Variants in TATDN1 observed in about 807,000 individuals in gnomAD.
TATDN1 encodes deoxyribonuclease TATDN1.
A neutral mutation model predicts 46.4 loss-of-function variants in TATDN1; 40 were observed. The ratio of observed to expected loss-of-function variants is 0.86; its 90% CI spans 0.67 to 1.12. TATDN1 has a LOEUF of 1.12. Ranked by LOEUF, TATDN1 falls within the 50% of genes most tolerant of loss-of-function variation. The pLI is 0.00. For missense variants in TATDN1, 326 were observed against 348.4 expected, an observed-to-expected ratio of 0.94 and a Z score of 0.51; for synonymous variants, 95 against 105.6, an observed-to-expected ratio of 0.90 and a Z score of 0.62.
At chr8:124,508,570 T>C (rs1389468414) in intron 7 of TATDN1, 33 bp downstream of exon 7, 1 of 1,607,748 alleles carries the variant, frequency 6.2e-7, no homozygotes, top group South Asian at 1.1e-5. Flanking sequence ...ACAAAATTCT[T>C]AAGTTCTGAA....
At chr8:124,500,827 T>C (rs1817902677) in intron 9 of TATDN1, among the ~76,000 whole-genome samples, 1 of 151,800 alleles carries the variant, frequency 6.6e-6, no homozygotes, top group South Asian at 2.1e-4. Flanking sequence ...GAGACATATG[T>C]TACCCCAAAT....
At chr8:124,511,708 A>G (rs531387875) in intron 6 of TATDN1, among the ~76,000 whole-genome samples, 5 of 152,290 alleles carry the variant, frequency 3.3e-5, no homozygotes, top group Admixed American at 1.3e-4. Flanking sequence ...AAACAAGAAA[A>G]AAGTATTAAA....
At chr8:124,512,059 T>A (rs1330370372) in intron 6 of TATDN1, among the ~76,000 whole-genome samples, 1 of 152,246 alleles carries the variant, frequency 6.6e-6, no homozygotes, top group Admixed American at 6.5e-5. Context: ...TTAATTTTTC[T>A]GTCTTGCCCC....
intron 6 of TATDN1, among the ~76,000 whole-genome samples, chr8:124,514,003 C>T (rs1819246786): frequency 6.6e-6 from 1 of 152,192 alleles, no homozygotes; most frequent in Admixed American, 6.5e-5. Context: ...ATGAATGTCC[C>T]TGAAAGGCAC....
intron 1 of TATDN1, among the ~76,000 whole-genome samples, chr8:124,535,091 G>C (rs1174376600): frequency 1.3e-5 from 2 of 152,170 alleles, no homozygotes; most frequent in African/African-American, 4.8e-5. Flanking sequence ...GAGTGGGTGG[G>C]AGGGACTGAA....
At chr8:124,511,053 G>A (rs1240627810) in intron 6 of TATDN1, among the ~76,000 whole-genome samples, 1 of 152,108 alleles carries the variant, frequency 6.6e-6, no homozygotes, top group Non-Finnish European at 1.5e-5. Flanking sequence ...AGAAATAACT[G>A]TATAAGTTAC....
chr8:124,521,962 G>A (rs1820083408), intron 3 of TATDN1, 189 bp downstream of exon 3: 1 of 449,124 alleles, frequency 2.2e-6, no homozygotes, highest in Non-Finnish European at 3.9e-6. Flanking sequence ...CATGAGATTT[G>A]TGTAACTTAA....
intron 1 of TATDN1, among the ~76,000 whole-genome samples, chr8:124,536,270 C>G (rs187859009): frequency 1.3e-5 from 2 of 152,276 alleles, no homozygotes; most frequent in Non-Finnish European, 2.9e-5. Flanking sequence ...AAGAAATTCT[C>G]ATGCTGGCCA....
chr8:124,514,035 C>G (rs1432632530), intron 6 of TATDN1, among the ~76,000 whole-genome samples: 1 of 152,144 alleles, frequency 6.6e-6, no homozygotes, highest in Admixed American at 6.6e-5. Flanking sequence ...AAATAATATA[C>G]CACAAACTAA....
intron 6 of TATDN1, among the ~76,000 whole-genome samples, chr8:124,515,071 C>A (rs1463843148): frequency 6.6e-6 from 1 of 152,156 alleles, no homozygotes; most frequent in Non-Finnish European, 1.5e-5. Context: ...ACTACAGACG[C>A]AGGCTGCTGT....
intron 1 of TATDN1, 154 bp downstream of exon 1, chr8:124,538,871 C>G (rs1268923080): frequency 2.6e-6 from 2 of 772,822 alleles, no homozygotes; most frequent in Non-Finnish European, 4.5e-6. Flanking sequence ...AGAGCATTAC[C>G]AGCACCCAGA....
intron 1 of TATDN1, among the ~76,000 whole-genome samples, chr8:124,536,146 T>C (rs1821409896): frequency 6.6e-6 from 1 of 152,254 alleles, no homozygotes; most frequent in Non-Finnish European, 1.5e-5. Flanking sequence ...GTAGAGATTC[T>C]GGCATATAAT....
intron 4 of TATDN1, 139 bp from the exon 5 acceptor site, chr8:124,516,169 T>C: frequency 1.5e-6 from 1 of 675,622 alleles, no homozygotes; most frequent in East Asian, 3.0e-5. Flanking sequence ...AAGAACTGCA[T>C]TATGTTAATC....
At chr8:124,509,632 C>T (rs1419283474) in intron 6 of TATDN1, among the ~76,000 whole-genome samples, 1 of 152,194 alleles carries the variant, frequency 6.6e-6, no homozygotes, top group Non-Finnish European at 1.5e-5. Flanking sequence ...ACTTAAGCCT[C>T]TCTTGCTATA....
intron 1 of TATDN1, among the ~76,000 whole-genome samples, chr8:124,537,429 G>T (rs905945156): frequency 6.6e-6 from 1 of 152,322 alleles, no homozygotes. Flanking sequence ...GAGCAGCCCA[G>T]GGATGGGCTA....
In TATDN1 at chr8:124,497,778, A is replaced by C. The variant is rs1461127410; in HGVS notation, c.594-2236T>G. Among the ~76,000 whole-genome samples, 3 of 152,242 alleles carry C rather than the reference A, an allele frequency of 2.0e-5. 1 individual carries two copies. The highest frequency in any genetic ancestry group is 2.0e-4 in the Admixed American group (3 of 15,282). On this transcript the variant is annotated intron_variant, in intron 9 of 11. Transcript: ENST00000276692. Reference sequence around the variant, plus strand: ...CAATGCATAATTCACCAGGAGCTAGAAAATGCTGATATAATTCTATCAGCC... The same window carrying C: ...CAATGCATAATTCACCAGGAGCTAGCAAATGCTGATATAATTCTATCAGCC...
rs34661601 is a variant in TATDN1, at chr8:124,500,753, TA to T, written c.593+3517del. On this transcript the variant is annotated intron_variant, in intron 9 of 11. Coordinates refer to ENST00000276692, the MANE Select transcript of TATDN1 (RefSeq NM_032026.4). The stretch of plus-strand genomic sequence containing the variant: ...ATAAAGATCTTCTACCCCCTTCTCT[TA>T]AAAAAAAAAAAACAAAACCAAACTT... Among the ~76,000 whole-genome samples, 458 of 140,224 alleles carry T rather than the reference TA, an allele frequency of 3.3e-3. 2 individuals are homozygous for T. Among genetic ancestry groups the T allele is most frequent in the African/African-American group, 7.9e-3 (304 of 38,272 alleles). The allele number at this position is 140,224 out of a possible 152,430, so 92.0% of individuals were successfully genotyped here.
At chr8:124,516,538 G>C (rs996574793) in intron 4 of TATDN1, among the ~76,000 whole-genome samples, 1 of 151,508 alleles carries the variant, frequency 6.6e-6, no homozygotes, top group African/African-American at 2.4e-5. Context: ...TCGAACTCCT[G>C]AGCTCAAGCG....
intron 1 of TATDN1, among the ~76,000 whole-genome samples, chr8:124,531,866 T>C (rs10106292): frequency 0.52 from 78,262 of 151,726 alleles, 20,708 homozygotes; most frequent in African/African-American, 0.63. Flanking sequence ...GTCTGGATTC[T>C]AATGGGTTAG....
Sources: gnomAD v4.1 joint callset for allele counts (sites outside exome capture counted in the v4.1 genomes callset) on GRCh38, gnomAD v4.1.1 for gene constraint, MANE v1.5 for transcripts, NCBI Gene and HGNC (gene_info 2026-07-23, HGNC 2026-07-21) for gene names.